Variants in KDM5A observed in about 807,000 individuals in gnomAD.
The protein encoded by KDM5A is lysine demethylase 5A, also known as lysine-specific demethylase 5A.
KDM5A carries 42 observed loss-of-function variants against 193.5 expected under a neutral mutation model. The ratio of observed to expected loss-of-function variants is 0.22; its 90% confidence interval spans 0.17 to 0.28. The LOEUF (loss-of-function observed/expected upper bound fraction) is 0.28. Ranked by LOEUF, KDM5A falls within the 10% of genes least tolerant of loss-of-function variation. The pLI is 1.00. For synonymous variants in KDM5A, 796 were observed against 718.1 expected (o/e 1.11, Z -1.73); for missense variants, 1,692 against 2,055.1 (o/e 0.82, Z 3.42).
intron 1 of KDM5A, among the ~76,000 whole-genome samples, chr12:388,683 G>A (rs1413312062): frequency 6.6e-6 from 1 of 152,182 alleles, no homozygotes; most frequent in Non-Finnish European, 1.5e-5. Flanking sequence ...CCACGGCTGA[G>A]AGAAAAGTAT....
In KDM5A at chr12:281,510, A is replaced by G. The variant is rs980735118; in HGVS notation, c.*3946T>C. 2 of 233,082 alleles carry G rather than the reference A, an allele frequency of 8.6e-6. No individual in the cohort carries two copies. Among genetic ancestry groups the G allele is most frequent in the African/African-American group, 4.4e-5 (2 of 45,320 alleles). The allele number at this position is 233,082 out of a possible 1,614,324, so 14.4% of individuals were successfully genotyped here. On this transcript the variant is annotated 3_prime_UTR_variant, in exon 28 of 28. Transcript: ENST00000399788. The stretch of plus-strand genomic sequence containing the variant: ...GTAGGAGATACCACTTGGGACATTC[A>G]TATCCAAAGAAGTAATGGTATGACT...
chr12:340,049 T>C (rs1943981109), intron 10 of KDM5A, among the ~76,000 whole-genome samples: 1 of 151,886 alleles, frequency 6.6e-6, no homozygotes, highest in South Asian at 2.1e-4. Flanking sequence ...CTAATTTTTG[T>C]ATTTATTGTA....
At chr12:329,373 A>C (rs1288943989) in intron 13 of KDM5A, among the ~76,000 whole-genome samples, 1 of 152,188 alleles carries the variant, frequency 6.6e-6, no homozygotes. Context: ...CCTTACAAGA[A>C]AAAGAAAAAT....
At chr12:295,149 A>G (rs571686018) in intron 26 of KDM5A, among the ~76,000 whole-genome samples, 2 of 151,794 alleles carry the variant, frequency 1.3e-5, no homozygotes, top group South Asian at 4.3e-4. Flanking sequence ...TCTTTTTAGC[A>G]GAAATGGCCT....
Position 282,017 on chromosome 12 carries a change from A to C in KDM5A, c.*3439T>G, listed in dbSNP as rs1943159541. ...AGCGCAGAAGCAAAGCCCAGGCAGA[A>C]CCATGCTAACCTTACAGCTCAGCCT... On this transcript the variant is annotated 3_prime_UTR_variant, in exon 28 of 28. Coordinates refer to ENST00000399788, the MANE Select transcript of KDM5A (RefSeq NM_001042603.3). 9.9e-6 allele frequency: 3 copies of C among 302,778 alleles called. No homozygotes were observed. The South Asian group carries it at 1.1e-4, about 11-fold the overall frequency. The allele number at this position is 302,778 out of a possible 1,614,324, so 18.8% of individuals were successfully genotyped here.
chr12:348,353 C>G (rs895535345), intron 10 of KDM5A, among the ~76,000 whole-genome samples: 5 of 152,138 alleles, frequency 3.3e-5, no homozygotes, highest in African/African-American at 1.2e-4. Flanking sequence ...GTCAGTGTGG[C>G]GATTCCTTAA....
chr12:300,556 C>T lies in KDM5A; in HGVS notation c.4075-3356G>A, dbSNP rs148099966. 4.1e-3 allele frequency among the ~76,000 whole-genome samples: 628 copies of T among 152,320 alleles called. 5 individuals are homozygous for T. The highest frequency in any genetic ancestry group is 0.014 in the African/African-American group (593 of 41,574). Reference sequence around the variant, plus strand: ...GCAGTGTGTAGAGGGAAATTTATAGCACTAAATGCCCACAAGAGAAAGGAA... The same window carrying T: ...GCAGTGTGTAGAGGGAAATTTATAGTACTAAATGCCCACAAGAGAAAGGAA... On this transcript the variant is annotated intron_variant, in intron 24 of 27. Transcript: ENST00000399788.
chr12:302,669 T>C (rs571029380), intron 24 of KDM5A, among the ~76,000 whole-genome samples: 6 of 152,056 alleles, frequency 3.9e-5, no homozygotes, highest in African/African-American at 1.4e-4. Flanking sequence ...AATAGACAAA[T>C]GGGATCTAAT....
intron 3 of KDM5A, among the ~76,000 whole-genome samples, chr12:370,727 C>A (rs1314089828): frequency 6.6e-6 from 1 of 152,130 alleles, no homozygotes; most frequent in East Asian, 1.9e-4. Flanking sequence ...TAACTAATCA[C>A]TTACATTAGG....
At position 295,626 on chromosome 12, in the gene KDM5A, T is replaced by C. The variant is rs1943360592; in HGVS notation, c.4402A>G (p.Ile1468Val). 8.1e-6 allele frequency: 13 copies of C among 1,614,094 alleles called. No individual in the cohort carries two copies. Among genetic ancestry groups the C allele is most frequent in the Non-Finnish European group, 1.1e-5 (13 of 1,180,002 alleles). Reference protein sequence around the residue: ...SLDETQHIWRILQATHPPSED... With the variant: ...SLDETQHIWRVLQATHPPSED... ...GAGGGTGGGTGTGTGGCCTGCAAAA[T>C]CCGCCATATGTGTTGAGTCTCGTCC... Residue 1468 changes from isoleucine to valine, a missense_variant, in exon 26 of 28, where the codon ATT becomes GTT. This residue lies in a region of KDM5A where 965 missense variants were observed against 1,061.0 expected (regional missense o/e 0.91). Coordinates refer to ENST00000399788, the MANE Select transcript of KDM5A (RefSeq NM_001042603.3).
rs995556234 is a variant in KDM5A, at chr12:280,855, A to G, written c.*4601T>C. The G allele has an allele frequency of 8.6e-6, 2 of 232,882 alleles. No individual in the cohort carries two copies. Among genetic ancestry groups the G allele is most frequent in the Non-Finnish European group, 1.7e-5 (2 of 117,860 alleles). The allele number at this position is 232,882 out of a possible 1,614,324, so 14.4% of individuals were successfully genotyped here. A position where few individuals can be genotyped will look rare whatever the true frequency, so the allele number is the denominator to read the frequency against. On this transcript the variant is annotated 3_prime_UTR_variant, in exon 28 of 28. Transcript: ENST00000399788. Reference sequence around the variant, plus strand: ...ACACTCCAAAAACACTATTCTCAGCAATGATAATAGGCTAATCACACCACT... The same window carrying G: ...ACACTCCAAAAACACTATTCTCAGCGATGATAATAGGCTAATCACACCACT...
intron 24 of KDM5A, among the ~76,000 whole-genome samples, chr12:298,792 A>T (rs118141281): frequency 0.017 from 2,525 of 152,200 alleles, 36 homozygotes; most frequent in Non-Finnish European, 0.027. Flanking sequence ...CAAGGAAGCT[A>T]AGAACCTTCA....
chr12:306,268 C>A (rs568402436), intron 24 of KDM5A, among the ~76,000 whole-genome samples: 5 of 152,150 alleles, frequency 3.3e-5, no homozygotes, highest in African/African-American at 9.6e-5. Flanking sequence ...AGCCACCACA[C>A]CAAGCCTAGA....
chr12:347,454 A>C (rs1018227689), intron 10 of KDM5A, among the ~76,000 whole-genome samples: 1 of 152,350 alleles, frequency 6.6e-6, no homozygotes, highest in South Asian at 2.1e-4. Flanking sequence ...CGCATTGCCA[A>C]GATAATCCTA....
rs773185931 is a variant in KDM5A, at chr12:310,909, C to T, written c.3192G>A (p.Lys1064=). ...CCTGTAACAATGTATGGCTAGAATTCTTCTTAAGAAACGTCCGCCCAGTCC... is the reference window on the plus strand; with the variant it reads ...CCTGTAACAATGTATGGCTAGAATTTTTCTTAAGAAACGTCCGCCCAGTCC... ...RERTGRTFLK[K]NSSHTLLQVL... The change falls in exon 21 of 28, where the codon AAG becomes AAA. Residue 1064 remains lysine (K), a synonymous_variant. Transcript: ENST00000399788. 6.2e-7 allele frequency: 1 copy of T among 1,614,180 alleles called. No individual in the cohort carries two copies. The highest frequency in any genetic ancestry group is 8.5e-7 in the Non-Finnish European group (1 of 1,180,024).
intron 5 of KDM5A, among the ~76,000 whole-genome samples, chr12:358,971 A>G (rs1020048519): frequency 1.2e-4 from 17 of 142,228 alleles, no homozygotes; most frequent in Non-Finnish European, 2.6e-4. Flanking sequence ...ACTCCATCTC[A>G]AAAAAATAAA....
chr12:317,821 TCTGTACCCACTGCCACTGAC>T (rs1943666539), intron 19 of KDM5A, among the ~76,000 whole-genome samples: 2 of 152,120 alleles, frequency 1.3e-5, no homozygotes, highest in Admixed American at 6.5e-5. Flanking sequence ...CTCCAGCTTG[TCTGTACCCACTGCCACTGAC>T]CTGCACCTCT....
At position 356,284 on chromosome 12, in the gene KDM5A, T is replaced by C. The variant is rs1430145286; in HGVS notation, c.778+148A>G. On this transcript the variant is annotated intron_variant, in intron 6 of 27. Transcript: ENST00000399788. The stretch of plus-strand genomic sequence containing the variant: ...CACCTGAAATTTAAGAGATCTGGCA[T>C]TAAAAAAGGCGATTTGCCTAGGAAC... 3.2e-5 allele frequency: 21 copies of C among 652,472 alleles called. No individual in the cohort carries two copies. The East Asian group carries it at 5.2e-4, about 16-fold the overall frequency. The allele number at this position is 652,472 out of a possible 1,614,324, so 40.4% of individuals were successfully genotyped here. A position where few individuals can be genotyped will look rare whatever the true frequency, so the allele number is the denominator to read the frequency against.
chr12:356,507 C>T lies in KDM5A; in HGVS notation c.703G>A (p.Glu235Lys), dbSNP rs374194423. 6.2e-7 allele frequency: 1 copy of T among 1,613,242 alleles called. No individual in the cohort carries two copies. The highest frequency in any genetic ancestry group is 1.3e-5 in the African/African-American group (1 of 74,904). The change falls in exon 6 of 28, where the codon GAA becomes AAA. Residue 235 changes from glutamate to lysine, a missense_variant. Coordinates refer to ENST00000399788, the MANE Select transcript of KDM5A (RefSeq NM_001042603.3). ...SESGDVSRNT[E>K]LKKLQIFGAG... The stretch of plus-strand genomic sequence containing the variant: ...CCAAAAATCTGAAGTTTCTTCAGTT[C>T]CGTGTTTCTACTCACATCTCCAGAT...
Sources: gnomAD v4.1 joint callset for allele counts (sites outside exome capture counted in the v4.1 genomes callset) on GRCh38, gnomAD v4.1.1 for gene constraint, gnomAD v4.1.1 regional missense constraint, MANE v1.5 for transcripts, NCBI Gene and HGNC (gene_info 2026-07-23, HGNC 2026-07-21) for gene names.